Variants in TFPI observed in about 807,000 individuals in gnomAD.
The protein encoded by TFPI is tissue factor pathway inhibitor, also known as anti-convertin.
Under a neutral mutation model 34.6 loss-of-function variants are expected in TFPI, and 15 were observed. The ratio of observed to expected loss-of-function variants is 0.43; its 90% CI spans 0.29 to 0.67. The LOEUF (loss-of-function observed/expected upper bound fraction) is 0.67. Ranked by LOEUF, TFPI falls within the 30% of genes least tolerant of loss-of-function variation. The pLI is 0.15. For synonymous variants in TFPI, 105 were observed against 120.1 expected (o/e 0.87, Z 0.82); for missense variants, 301 against 364.0 (o/e 0.83, Z 1.41).
intron 1 of TFPI, among the ~76,000 whole-genome samples, chr2:187,506,038 G>A (rs147762780): frequency 1.6e-4 from 25 of 151,942 alleles, no homozygotes; most frequent in Admixed American, 7.2e-4. Flanking sequence ...TACATGAATT[G>A]CAGGAGGAAT....
At chr2:187,494,284 T>C (rs558883371) in intron 3 of TFPI, among the ~76,000 whole-genome samples, 1 of 146,800 alleles carries the variant, frequency 6.8e-6, no homozygotes. Flanking sequence ...GGACACAGAG[T>C]GAAACCATAT....
intron 1 of TFPI, among the ~76,000 whole-genome samples, chr2:187,540,689 G>A (rs1407761502): frequency 4.6e-5 from 7 of 151,944 alleles, no homozygotes; most frequent in African/African-American, 2.4e-5. Flanking sequence ...TAGCAGTTCC[G>A]AGACCAGCTT....
intron 1 of TFPI, among the ~76,000 whole-genome samples, chr2:187,533,807 TA>T (rs1202808278): frequency 6.6e-6 from 1 of 152,194 alleles, no homozygotes; most frequent in Admixed American, 6.5e-5. Context: ...GCAAGGAAGC[TA>T]AGAACCTTGA....
intron 1 of TFPI, among the ~76,000 whole-genome samples, chr2:187,534,915 A>T (rs6756052): frequency 0.16 from 25,041 of 151,798 alleles, 2,630 homozygotes; most frequent in East Asian, 0.31. Flanking sequence ...ATAAAAAAAT[A>T]AAAAAAATCA....
chr2:187,504,618 A>G (rs1686077218), intron 1 of TFPI, among the ~76,000 whole-genome samples: 1 of 151,836 alleles, frequency 6.6e-6, no homozygotes, highest in African/African-American at 2.4e-5. Context: ...TTTTTTAAAG[A>G]CGACTTCTTC....
chr2:187,469,659 T>C (rs1279075477), intron 6 of TFPI, among the ~76,000 whole-genome samples: 1 of 152,116 alleles, frequency 6.6e-6, no homozygotes, highest in Non-Finnish European at 1.5e-5. Context: ...CAATACTGTT[T>C]TACTAACTGT....
At chr2:187,487,527 C>T (rs1174928811) in intron 4 of TFPI, among the ~76,000 whole-genome samples, 3 of 151,224 alleles carry the variant, frequency 2.0e-5, no homozygotes, top group East Asian at 1.9e-4. Context: ...TTTCATGTTG[C>T]GGTCTTTCAT....
chr2:187,516,599 T>C (rs1449794960), intron 1 of TFPI: 1 of 152,176 alleles, frequency 6.6e-6, no homozygotes, highest in Non-Finnish European at 1.5e-5. Context: ...TGAGAGAGGT[T>C]CTCAAAGAGA....
At chr2:187,473,742 G>A (rs1175196423) in intron 6 of TFPI, among the ~76,000 whole-genome samples, 1 of 150,454 alleles carries the variant, frequency 6.6e-6, no homozygotes, top group African/African-American at 2.4e-5. Context: ...TTGGTGGAAA[G>A]TGATATTCTA....
chr2:187,535,285 A>C (rs188481789), intron 1 of TFPI, among the ~76,000 whole-genome samples: 120 of 152,338 alleles, frequency 7.9e-4, no homozygotes, highest in Middle Eastern at 6.8e-3. Context: ...CAGAATATAT[A>C]TTCTTCTCAG....
At chr2:187,489,167 A>C (rs1170257503) in intron 3 of TFPI, among the ~76,000 whole-genome samples, 1 of 151,412 alleles carries the variant, frequency 6.6e-6, no homozygotes, top group Non-Finnish European at 1.5e-5. Flanking sequence ...ATATGACCAG[A>C]GAGATAGAAA....
intron 6 of TFPI, among the ~76,000 whole-genome samples, chr2:187,480,741 A>G (rs1692793688): frequency 6.6e-6 from 1 of 152,172 alleles, no homozygotes. Context: ...AACTGAAATA[A>G]TGCACTCACG....
At chr2:187,532,601 A>G (rs772825073) in intron 1 of TFPI, among the ~76,000 whole-genome samples, 5 of 152,208 alleles carry the variant, frequency 3.3e-5, no homozygotes, top group Non-Finnish European at 7.3e-5. Context: ...AGGAGATTCC[A>G]TCGCGTGCTT....
intron 6 of TFPI, 37 bp from the exon 7 acceptor site, chr2:187,467,969 G>A: frequency 6.7e-7 from 1 of 1,483,292 alleles, no homozygotes; most frequent in Non-Finnish European, 9.0e-7. Flanking sequence ...AGCCATATGT[G>A]ATAGTGGATT....
chr2:187,525,563 C>A (rs185225796), intron 1 of TFPI, among the ~76,000 whole-genome samples: 5 of 152,062 alleles, frequency 3.3e-5, no homozygotes, highest in African/African-American at 1.2e-4. Context: ...AATTGTGTCC[C>A]CTTTCAAATT....
intron 3 of TFPI, among the ~76,000 whole-genome samples, chr2:187,491,357 A>G (rs1307843565): frequency 6.6e-6 from 1 of 151,746 alleles, no homozygotes; most frequent in East Asian, 1.9e-4. Flanking sequence ...TCATCCTCCC[A>G]TCTTCCTGAG....
intron 1 of TFPI, among the ~76,000 whole-genome samples, chr2:187,543,981 A>C (rs560615076): frequency 2.6e-5 from 4 of 152,210 alleles, no homozygotes; most frequent in African/African-American, 4.8e-5. Context: ...ATATAGGAAA[A>C]ACCTGGTTCC....
chr2:187,524,220 C>T (rs1687563383), intron 1 of TFPI, among the ~76,000 whole-genome samples: 1 of 151,832 alleles, frequency 6.6e-6, no homozygotes, highest in Admixed American at 6.6e-5. Context: ...CATTTGTATA[C>T]AAGTTTTGGT....
intron 1 of TFPI, among the ~76,000 whole-genome samples, chr2:187,550,466 A>C (rs1303584208): frequency 6.6e-6 from 1 of 152,122 alleles, no homozygotes; most frequent in Non-Finnish European, 1.5e-5. Flanking sequence ...CAAGTACTTT[A>C]ACTACATCCC....
Sources: allele counts gnomAD v4.1 joint callset (sites outside exome capture counted in the v4.1 genomes callset), GRCh38; gene constraint gnomAD v4.1.1; transcripts MANE v1.5; gene names NCBI Gene and HGNC (gene_info 2026-07-23, HGNC 2026-07-21).